The following LRRC2 variants were observed in gnomAD, a reference collection of about 807,000 sequenced individuals.
LRRC2 encodes leucine rich repeat containing 2.
In LRRC2, 27 loss-of-function variants were observed where a neutral mutation model predicts 40.2. The ratio of observed to expected loss-of-function variants is 0.67; its 90% CI spans 0.49 to 0.93. LRRC2 has a LOEUF of 0.93. LRRC2 is among the 40% of genes least tolerant of loss of function. LRRC2 has a pLI of 0.00. For missense variants in LRRC2, 402 were observed against 439.6 expected, an observed-to-expected ratio of 0.91 and a Z score of 0.76; for synonymous variants, 147 against 158.9, an observed-to-expected ratio of 0.92 and a Z score of 0.56.
chr3:46,553,637 G>A (rs11714288), intron 1 of LRRC2, among the ~76,000 whole-genome samples: 15,459 of 152,118 alleles, frequency 0.1, 987 homozygotes, highest in Non-Finnish European at 0.15. Flanking sequence ...ACAGTCGTGC[G>A]TCACCACACT....
chr3:46,558,715 T>G (rs2107057167), intron 1 of LRRC2: 1 of 152,370 alleles, frequency 6.6e-6, no homozygotes, highest in South Asian at 2.1e-4. Context: ...GTAGTTACCC[T>G]GCTCTGCCGT....
chr3:46,533,730 CTTCCTTCCTTCCTTCCTTCT>C (rs1704201864), intron 4 of LRRC2, among the ~76,000 whole-genome samples: 1 of 146,338 alleles, frequency 6.8e-6, no homozygotes, highest in South Asian at 2.3e-4. Flanking sequence ...TCCTTCCTTC[CTTCCTTCCTTCCTTCCTTCT>C]TCCTTCCCTC....
At chr3:46,523,876 G>A (rs758037904) in intron 7 of LRRC2, among the ~76,000 whole-genome samples, 1 of 151,958 alleles carries the variant, frequency 6.6e-6, no homozygotes, top group Non-Finnish European at 1.5e-5. Context: ...ACCACACGTC[G>A]GACATCTCAT....
rs761987991 is a variant in LRRC2 at position 46,545,085 on chromosome 3, G to A, written c.294C>T (p.Ser98=). The part of the protein sequence containing the change: ...SSLPKDRGKR[S]SAFVFELSGE... ...CAGAAAGTTCAAACACAAACGCACTGCTCCGTTTGCCTCTGTCCTTGGGAA... is the reference window on the plus strand; with the variant it reads ...CAGAAAGTTCAAACACAAACGCACTACTCCGTTTGCCTCTGTCCTTGGGAA... The change falls in exon 3 of 9, where the codon AGC becomes AGT. Residue 98 remains serine, a synonymous_variant. Transcript: ENST00000395905. 5 of 1,613,564 alleles carry A rather than the reference G, an allele frequency of 3.1e-6. No homozygotes were observed. In the South Asian group the frequency reaches 4.4e-5, roughly 14 times the overall value.
chr3:46,553,723 G>A (rs889542064), intron 1 of LRRC2, among the ~76,000 whole-genome samples: 2 of 152,140 alleles, frequency 1.3e-5, no homozygotes, highest in Non-Finnish European at 2.9e-5. Flanking sequence ...CCGGGGCTCA[G>A]GTGATCCTCC....
chr3:46,525,925 T>A (rs771164426), intron 7 of LRRC2, among the ~76,000 whole-genome samples: 1 of 152,160 alleles, frequency 6.6e-6, no homozygotes, highest in Non-Finnish European at 1.5e-5. Flanking sequence ...TCCACTATTT[T>A]TCTACAGGTT....
chr3:46,552,449 G>A (rs1417636917), intron 1 of LRRC2, among the ~76,000 whole-genome samples: 1 of 151,486 alleles, frequency 6.6e-6, no homozygotes, highest in Non-Finnish European at 1.5e-5. Context: ...TTTGTTGGTA[G>A]AAATTTATTC....
chr3:46,554,660 A>T (rs1241735362), intron 1 of LRRC2, among the ~76,000 whole-genome samples: 2 of 151,880 alleles, frequency 1.3e-5, no homozygotes, highest in Admixed American at 1.3e-4. Flanking sequence ...AAAAAAAAGA[A>T]GAAGAAGAAT....
At chr3:46,555,208 T>C (rs1279713206) in intron 1 of LRRC2, among the ~76,000 whole-genome samples, 1 of 152,234 alleles carries the variant, frequency 6.6e-6, no homozygotes, top group Non-Finnish European at 1.5e-5. Flanking sequence ...TTTCACTTTC[T>C]TGATTCCATC....
At chr3:46,524,375 G>C (rs1704019785) in intron 7 of LRRC2, among the ~76,000 whole-genome samples, 1 of 152,180 alleles carries the variant, frequency 6.6e-6, no homozygotes, top group Admixed American at 6.5e-5. Flanking sequence ...GTACAGAGTG[G>C]TCTGCCCATT....
chr3:46,552,305 G>A (rs1005907449), intron 1 of LRRC2, among the ~76,000 whole-genome samples: 2 of 151,038 alleles, frequency 1.3e-5, no homozygotes, highest in East Asian at 1.9e-4. Context: ...ACACACACAC[G>A]CAGGCAGGCA....
intron 1 of LRRC2, 144 bp from the exon 2 acceptor site, chr3:46,551,754 T>C: frequency 2.6e-5 from 7 of 265,456 alleles, no homozygotes; most frequent in South Asian, 1.4e-4. Flanking sequence ...CAGTTTGCTT[T>C]TTTTTTTTTT....
chr3:46,526,833 C>T (rs865914443), intron 7 of LRRC2, among the ~76,000 whole-genome samples: 14 of 152,300 alleles, frequency 9.2e-5, no homozygotes, highest in Non-Finnish European at 1.3e-4. Flanking sequence ...GGGCCCAAAC[C>T]GCTAGGGATG....
intron 4 of LRRC2, among the ~76,000 whole-genome samples, chr3:46,533,300 C>T (rs956983250): frequency 2.6e-5 from 4 of 152,184 alleles, no homozygotes; most frequent in African/African-American, 9.7e-5. Context: ...GACCTAATTT[C>T]CAGTAAGGGG....
chr3:46,532,824 T>C lies in LRRC2; in HGVS notation c.576A>G (p.Leu192=). 6.2e-7 allele frequency: 1 copy of C among 1,614,040 alleles called. No individual in the cohort carries two copies. Among genetic ancestry groups the C allele is most frequent in the Non-Finnish European group, 8.5e-7 (1 of 1,179,914 alleles). ...GATTTCCAGAACAATCCAGTCTCTC[T>C]AGATTTTCACAATCTCCCAATTCTG... is the stretch of plus-strand genomic sequence containing the variant. The part of the protein sequence containing the change: ...IPPELGDCEN[L]ERLDCSGNLE... The change falls in exon 5 of 9, where the codon CTA becomes CTG. Residue 192 remains leucine, a synonymous_variant. Coordinates refer to ENST00000395905, the MANE Select transcript of LRRC2 (RefSeq NM_024512.5).
At chr3:46,547,589 G>A (rs997901735) in intron 2 of LRRC2, among the ~76,000 whole-genome samples, 2 of 151,952 alleles carry the variant, frequency 1.3e-5, no homozygotes, top group Non-Finnish European at 2.9e-5. Flanking sequence ...CCTGGAAGTC[G>A]AGGCTGCAGT....
In LRRC2 at chr3:46,551,502, C is replaced by T. The variant is rs758236440; in HGVS notation, c.90G>A (p.Lys30=). The T allele has an allele frequency of 2.5e-6, 4 of 1,614,090 alleles. No homozygotes were observed. In the South Asian group the frequency reaches 4.4e-5, roughly 18 times the overall value. The part of the protein sequence containing the change: ...RVKKHKAWQK[K]EVERLEKSAL... ...CGCTCTTCTCAAGCCTTTCCACCTC[C>T]TTCTTCTGCCAAGCTTTGTGCTTCT... is the stretch of plus-strand genomic sequence containing the variant. The change falls in exon 2 of 9, where the codon AAG becomes AAA. Residue 30 remains lysine (K), a synonymous_variant. Coordinates refer to ENST00000395905, the MANE Select transcript of LRRC2 (RefSeq NM_024512.5).
In LRRC2 at chr3:46,540,262, C is replaced by T. The variant is rs55943287; in HGVS notation, c.334-1061G>A. ...AAAGTGGGCCGGGCACAGTGGCTCA[C>T]GCCTGTAATCCCAGCAATTTGGGAG... On this transcript the variant is annotated intron_variant, in intron 3 of 8. Coordinates refer to ENST00000395905, the MANE Select transcript of LRRC2 (RefSeq NM_024512.5). Among the ~76,000 whole-genome samples, 1,220 of 152,294 alleles carry T rather than the reference C, an allele frequency of 8.0e-3. 9 individuals are homozygous for T. The highest frequency in any genetic ancestry group is 0.034 in the Middle Eastern group (10 of 294).
rs962601439 is a variant in LRRC2, at chr3:46,518,354, TTTTTC to T, written c.*655_*659del. The stretch of plus-strand genomic sequence containing the variant: ...ATGCTCTTTTCACAATCCCTTTATC[TTTTTC>T]TTTTCTTTTTTTTTTTTTTTGAGAC... On this transcript the variant is annotated 3_prime_UTR_variant, in exon 9 of 9. Coordinates refer to ENST00000395905, the MANE Select transcript of LRRC2 (RefSeq NM_024512.5). 2 of 151,984 alleles carry T rather than the reference TTTTTC, an allele frequency of 1.3e-5. No individual in the cohort carries two copies. Among genetic ancestry groups the T allele is most frequent in the African/African-American group, 4.8e-5 (2 of 41,324 alleles). The allele number at this position is 151,984 out of a possible 1,614,324, so 9.4% of individuals were successfully genotyped here.
Sources: allele counts gnomAD v4.1 joint callset (sites outside exome capture counted in the v4.1 genomes callset), GRCh38; gene constraint gnomAD v4.1.1; transcripts MANE v1.5; gene names NCBI Gene and HGNC (gene_info 2026-07-23, HGNC 2026-07-21).